The following TSHZ2 variants were observed in gnomAD, a reference collection of about 807,000 sequenced individuals.
TSHZ2 encodes teashirt homolog 2.
In TSHZ2, 21 loss-of-function variants were observed where a neutral mutation model predicts 74.4. The observed-to-expected ratio is 0.28, with a 90% confidence interval of 0.20 to 0.41. TSHZ2 has a LOEUF of 0.41. TSHZ2 is among the 10% of genes least tolerant of loss of function. The probability of loss-of-function intolerance (pLI) is 1.00; values close to 1 mark genes in which losing one functional copy is unlikely to be tolerated. For synonymous variants in TSHZ2, 540 were observed against 515.3 expected (o/e 1.05, Z -0.65); for missense variants, 1,244 against 1,293.5 (o/e 0.96, Z 0.59).
chr20:53,383,276 AAAAAAG>A (rs149799291), intron 2 of TSHZ2, among the ~76,000 whole-genome samples: 15,720 of 151,804 alleles, frequency 0.1, 2,221 homozygotes, highest in African/African-American at 0.32. Flanking sequence ...AAAAAAAAGA[AAAAAAG>A]AAAAAGAAAA....
chr20:53,372,519 G>C (rs1981513164), intron 2 of TSHZ2, among the ~76,000 whole-genome samples: 1 of 151,736 alleles, frequency 6.6e-6, no homozygotes, highest in Admixed American at 6.6e-5. Context: ...AAAGAAGGAA[G>C]GAAGGGAGGG....
intron 1 of TSHZ2, among the ~76,000 whole-genome samples, chr20:53,106,913 A>G (rs6013634): frequency 0.45 from 68,436 of 150,664 alleles, 16,075 homozygotes; most frequent in African/African-American, 0.56. Flanking sequence ...GGCCGGGGTG[A>G]TCTTGAACTC....
intron 2 of TSHZ2, among the ~76,000 whole-genome samples, chr20:53,463,435 G>GACGA: frequency 8.7e-6 from 1 of 114,314 alleles, no homozygotes; most frequent in African/African-American, 3.5e-5. Context: ...AGGAAGGAAG[G>GACGA]AGGGAGGGAG....
At chr20:53,042,766 T>C (rs1358947036) in intron 1 of TSHZ2, among the ~76,000 whole-genome samples, 1 of 151,738 alleles carries the variant, frequency 6.6e-6, no homozygotes, top group Admixed American at 6.6e-5. Context: ...AAAACATCTA[T>C]TGGGGATTTA....
At chr20:52,991,785 G>A (rs150993671) in intron 1 of TSHZ2, among the ~76,000 whole-genome samples, 10 of 147,918 alleles carry the variant, frequency 6.8e-5, no homozygotes, top group South Asian at 2.2e-4. Context: ...TGTATGTTGT[G>A]GGTATTAGTG....
intron 2 of TSHZ2, among the ~76,000 whole-genome samples, chr20:53,262,267 T>C (rs1225181322): frequency 1.3e-5 from 2 of 152,182 alleles, no homozygotes; most frequent in Non-Finnish European, 2.9e-5. Flanking sequence ...GATGCTTTTT[T>C]CTACTTTCTA....
At chr20:53,223,718 T>G (rs764785769) in intron 1 of TSHZ2, among the ~76,000 whole-genome samples, 9 of 152,108 alleles carry the variant, frequency 5.9e-5, no homozygotes, top group African/African-American at 1.2e-4. Context: ...TATCACATTC[T>G]TGTAATGACC....
chr20:53,051,453 G>GCACACACACACACA (rs1343176322), intron 1 of TSHZ2, among the ~76,000 whole-genome samples: 20 of 103,066 alleles, frequency 1.9e-4, no homozygotes, highest in East Asian at 7.5e-4. Context: ...ACTCTGTGGC[G>GCACACACACACACA]CACGCACACA....
intron 2 of TSHZ2, among the ~76,000 whole-genome samples, chr20:53,263,886 G>T (rs893218785): frequency 3.3e-5 from 5 of 152,304 alleles, no homozygotes; most frequent in South Asian, 4.2e-4. Context: ...CTCAGAGGAG[G>T]GGGGCAGGCT....
chr20:53,153,065 C>A (rs11696158), intron 1 of TSHZ2, among the ~76,000 whole-genome samples: 37,215 of 152,084 alleles, frequency 0.24, 4,909 homozygotes, highest in Admixed American at 0.3. Context: ...TCCATCATGC[C>A]TCAGAATGCC....
chr20:53,036,314 C>T (rs11905447), intron 1 of TSHZ2, among the ~76,000 whole-genome samples: 12,863 of 151,944 alleles, frequency 0.085, 664 homozygotes, highest in African/African-American at 0.14. Flanking sequence ...CACTGTGATC[C>T]GAATAAGCAA....
intron 2 of TSHZ2, among the ~76,000 whole-genome samples, chr20:53,386,893 A>T (rs55941018): frequency 6.4e-5 from 9 of 140,766 alleles, no homozygotes; most frequent in South Asian, 2.3e-4. Flanking sequence ...TTTTTTTTTT[A>T]AATGAAATGC....
At chr20:53,242,536 C>A (rs1990095484) in intron 1 of TSHZ2, among the ~76,000 whole-genome samples, 1 of 152,146 alleles carries the variant, frequency 6.6e-6, no homozygotes, top group South Asian at 2.1e-4. Context: ...GGGTTTAAGG[C>A]AAGAAGAAGC....
At chr20:53,411,639 G>A (rs1430001757) in intron 2 of TSHZ2, among the ~76,000 whole-genome samples, 2 of 152,088 alleles carry the variant, frequency 1.3e-5, no homozygotes, top group Non-Finnish European at 2.9e-5. Context: ...GACCAACCTG[G>A]GCAACATAGT....
At chr20:53,031,635 G>T (rs1983642533) in intron 1 of TSHZ2, among the ~76,000 whole-genome samples, 2 of 152,160 alleles carry the variant, frequency 1.3e-5, no homozygotes, top group African/African-American at 4.8e-5. Context: ...TGTATAGAGG[G>T]TTGAGGAGCT....
chr20:53,182,573 T>C (rs1019440056), intron 1 of TSHZ2, among the ~76,000 whole-genome samples: 4 of 152,230 alleles, frequency 2.6e-5, no homozygotes, highest in African/African-American at 9.6e-5. Context: ...AGTAAAGGGA[T>C]CAAATTATTT....
intron 2 of TSHZ2, among the ~76,000 whole-genome samples, chr20:53,431,290 C>T (rs1983840843): frequency 6.6e-6 from 1 of 152,014 alleles, no homozygotes; most frequent in African/African-American, 2.4e-5. Flanking sequence ...AACCCCATCT[C>T]TACTAAAAAT....
At chr20:53,429,321 A>G (rs1018234779) in intron 2 of TSHZ2, among the ~76,000 whole-genome samples, 2 of 152,242 alleles carry the variant, frequency 1.3e-5, no homozygotes, top group African/African-American at 2.4e-5. Flanking sequence ...CCAGAGAAAT[A>G]GAGAAATCTC....
At chr20:53,085,756 C>T (rs1044095898) in intron 1 of TSHZ2, among the ~76,000 whole-genome samples, 1 of 152,150 alleles carries the variant, frequency 6.6e-6, no homozygotes, top group African/African-American at 2.4e-5. Context: ...AACACTATGC[C>T]CCCAGGATTC....
Sources: allele counts gnomAD v4.1 joint callset (sites outside exome capture counted in the v4.1 genomes callset), GRCh38; gene constraint gnomAD v4.1.1; transcripts MANE v1.5; gene names NCBI Gene and HGNC (gene_info 2026-07-23, HGNC 2026-07-21).